CACNA2D1: variants seen among roughly 807,000 people sequenced by gnomAD.
CACNA2D1 encodes calcium voltage-gated channel auxiliary subunit alpha2delta 1.
A neutral mutation model predicts 171.5 loss-of-function variants in CACNA2D1; 53 were observed. That is an observed-to-expected ratio of 0.31 (90% CI 0.25 to 0.39). CACNA2D1 has a LOEUF of 0.39. Ranked by LOEUF, CACNA2D1 falls within the 10% of genes least tolerant of loss-of-function variation. CACNA2D1 has a pLI of 1.00. For missense variants in CACNA2D1, 903 were observed against 1,299.8 expected (o/e 0.69, Z 4.69); for synonymous variants, 442 against 443.1 (o/e 1.00, Z 0.03).
intron 3 of CACNA2D1, among the ~76,000 whole-genome samples, chr7:82,175,852 C>T (rs1796494046): frequency 1.3e-5 from 2 of 151,964 alleles, no homozygotes; most frequent in South Asian, 4.1e-4. Flanking sequence ...TTGAACCTGA[C>T]AAACATGAAC....
chr7:82,187,116 C>A (rs1797861774), intron 3 of CACNA2D1, among the ~76,000 whole-genome samples: 1 of 151,998 alleles, frequency 6.6e-6, no homozygotes, highest in Non-Finnish European at 1.5e-5. Context: ...GGCTTTTTAA[C>A]AAATATCAGT....
rs1029847 is a variant in CACNA2D1 at position 81,963,904 on chromosome 7, T to C, written c.2780+152A>G. 146,297 of 669,750 alleles carry C rather than the reference T, an allele frequency of 0.22. 16,559 individuals are homozygous for C. Among genetic ancestry groups the C allele is most frequent in the African/African-American group, 0.28 (15,354 of 54,830 alleles). 41.5% of individuals were successfully genotyped at this position (669,750 alleles called of 1,614,324 possible). ...TATAGTGTTCACTTAGGAAAAACTA[T>C]AAATATTACCAATAGGTGATGTAAA... On this transcript the variant is annotated intron_variant, in intron 34 of 38. Transcript: ENST00000356860.
intron 1 of CACNA2D1, among the ~76,000 whole-genome samples, chr7:82,435,545 A>C (rs1162049166): frequency 6.6e-6 from 1 of 152,030 alleles, no homozygotes; most frequent in Non-Finnish European, 1.5e-5. Context: ...CCCAAATCTC[A>C]CAACCACCAA....
intron 6 of CACNA2D1, among the ~76,000 whole-genome samples, chr7:82,093,146 C>T (rs1167028082): frequency 2.0e-5 from 3 of 152,114 alleles, no homozygotes; most frequent in African/African-American, 7.2e-5. Context: ...ACAGACTGCA[C>T]GTCTTTCTGT....
chr7:82,085,937 G>A (rs1272155878), intron 6 of CACNA2D1, among the ~76,000 whole-genome samples: 1 of 152,022 alleles, frequency 6.6e-6, no homozygotes, highest in East Asian at 1.9e-4. Context: ...AACTTCTCAA[G>A]TCTAGCATAC....
chr7:82,371,241 G>T (rs1822375712), intron 1 of CACNA2D1, among the ~76,000 whole-genome samples: 1 of 152,144 alleles, frequency 6.6e-6, no homozygotes, highest in South Asian at 2.1e-4. Context: ...ATGATTTAGA[G>T]TATTTCTCAT....
chr7:82,189,157 C>T (rs902761595), intron 3 of CACNA2D1, among the ~76,000 whole-genome samples: 2 of 151,938 alleles, frequency 1.3e-5, no homozygotes, highest in Non-Finnish European at 2.9e-5. Context: ...CACATGTACC[C>T]TTGAACCTAA....
At chr7:82,097,538 G>A (rs1812037052) in intron 6 of CACNA2D1, among the ~76,000 whole-genome samples, 1 of 152,082 alleles carries the variant, frequency 6.6e-6, no homozygotes, top group African/African-American at 2.4e-5. Flanking sequence ...TCTGACTTGG[G>A]TTCTTAGTGT....
chr7:82,161,019 TGAA>T (rs1794899086), intron 4 of CACNA2D1, among the ~76,000 whole-genome samples: 1 of 152,048 alleles, frequency 6.6e-6, no homozygotes, highest in African/African-American at 2.4e-5. Context: ...CATAAGGAAA[TGAA>T]GACCCAAAGA....
At chr7:82,013,655 A>G (rs1298693084) in intron 13 of CACNA2D1, 145 bp from the exon 14 acceptor site, 2 of 248,160 alleles carry the variant, frequency 8.1e-6, no homozygotes, top group African/African-American at 4.5e-5. Flanking sequence ...TGAAATATCA[A>G]AATTAAGGAT....
intron 5 of CACNA2D1, among the ~76,000 whole-genome samples, chr7:82,123,579 C>G (rs1584830251): frequency 1.3e-5 from 2 of 152,252 alleles, no homozygotes; most frequent in South Asian, 4.1e-4. Flanking sequence ...TTCACAGGCC[C>G]TCTTCTTCCT....
At chr7:82,275,083 A>G (rs995389952) in intron 3 of CACNA2D1, among the ~76,000 whole-genome samples, 2 of 152,172 alleles carry the variant, frequency 1.3e-5, no homozygotes, top group African/African-American at 4.8e-5. Context: ...ATTTGATATG[A>G]AATATATAGA....
At chr7:82,040,678 A>G (rs1332659263) in intron 10 of CACNA2D1, among the ~76,000 whole-genome samples, 1 of 152,138 alleles carries the variant, frequency 6.6e-6, no homozygotes, top group African/African-American at 2.4e-5. Context: ...ATGGGGACTT[A>G]AAACTGCCCA....
chr7:82,382,522 C>T (rs925647148), intron 1 of CACNA2D1, among the ~76,000 whole-genome samples: 8 of 152,118 alleles, frequency 5.3e-5, no homozygotes, highest in Non-Finnish European at 8.8e-5. Context: ...TAAACAGAGG[C>T]GTGCTGGCCC....
At chr7:82,342,074 A>C (rs1585573686) in intron 2 of CACNA2D1, among the ~76,000 whole-genome samples, 2 of 151,594 alleles carry the variant, frequency 1.3e-5, no homozygotes, top group South Asian at 2.1e-4. Context: ...AAAAAAAAAA[A>C]AAAAAATCAC....
At chr7:81,981,343 G>A (rs1796427529) in intron 24 of CACNA2D1, among the ~76,000 whole-genome samples, 1 of 152,148 alleles carries the variant, frequency 6.6e-6, no homozygotes, top group Admixed American at 6.6e-5. Flanking sequence ...ACTGTCAAAG[G>A]ACAGCGTGAT....
intron 1 of CACNA2D1, among the ~76,000 whole-genome samples, chr7:82,372,025 G>T (rs1822475184): frequency 6.6e-6 from 1 of 151,976 alleles, no homozygotes; most frequent in South Asian, 2.1e-4. Context: ...TTCTTTAAAA[G>T]ACTATAGGCC....
Position 81,970,655 on chromosome 7 carries a change from C to T in CACNA2D1, c.2204+20G>A. 7.2e-7 allele frequency: 1 copy of T among 1,383,282 alleles called. No homozygotes were observed. The highest frequency in any genetic ancestry group is 1.0e-6 in the Non-Finnish European group (1 of 970,116). 85.7% of individuals were successfully genotyped at this position (1,383,282 alleles called of 1,614,324 possible). On this transcript the variant is annotated intron_variant, in intron 27 of 38. Coordinates refer to ENST00000356860, the MANE Select transcript of CACNA2D1 (RefSeq NM_000722.4). ...GTCTTTTGTAATGTACTTGTTTTTA[C>T]AGATGTTATTTGAACTTACTCTTTG...
At chr7:82,333,648 A>G (rs1817652203) in intron 3 of CACNA2D1, among the ~76,000 whole-genome samples, 1 of 151,826 alleles carries the variant, frequency 6.6e-6, no homozygotes, top group South Asian at 2.1e-4. Flanking sequence ...GGGAGCTACA[A>G]TTCAAGATGA....
Sources: allele counts gnomAD v4.1 joint callset (sites outside exome capture counted in the v4.1 genomes callset), GRCh38; gene constraint gnomAD v4.1.1; transcripts MANE v1.5; gene names NCBI Gene and HGNC (gene_info 2026-07-23, HGNC 2026-07-21).